AOPEP: variants seen among roughly 807,000 people sequenced by gnomAD.
AOPEP encodes aminopeptidase O (putative), also known as aminopeptidase O.
AOPEP carries 77 observed loss-of-function variants against 98.1 expected under a neutral mutation model. The ratio of observed to expected loss-of-function variants is 0.78; its 90% CI spans 0.65 to 0.95. The LOEUF (loss-of-function observed/expected upper bound fraction) is 0.95, where lower values mean the gene tolerates loss of function less well. Ranked by LOEUF, AOPEP falls within the 40% of genes least tolerant of loss-of-function variation. The pLI, the probability that AOPEP is intolerant of heterozygous loss-of-function variation, is 0.00. For synonymous variants in AOPEP, 346 were observed against 365.3 expected (o/e 0.95, Z 0.60); for missense variants, 1,024 against 1,024.7 (o/e 1.00, Z 0.01).
intron 11 of AOPEP, among the ~76,000 whole-genome samples, chr9:94,989,673 G>A (rs997623150): frequency 6.8e-5 from 10 of 147,118 alleles, no homozygotes; most frequent in East Asian, 6.0e-4. Flanking sequence ...GTGCAGTGGC[G>A]TGATCTCAGC....
At chr9:94,958,085 T>C (rs1216918942) in intron 9 of AOPEP, among the ~76,000 whole-genome samples, 2 of 152,186 alleles carry the variant, frequency 1.3e-5, no homozygotes, top group Non-Finnish European at 2.9e-5. Flanking sequence ...GCCATTCTAC[T>C]TTCTGTCTCT....
In AOPEP at chr9:95,086,972, C is replaced by T; in HGVS notation, c.*295C>T. 1 of 986,286 alleles carries T rather than the reference C, an allele frequency of 1.0e-6. No homozygotes were observed. The highest frequency in any genetic ancestry group is 1.2e-6 in the Non-Finnish European group (1 of 829,008). The allele number at this position is 986,286 out of a possible 1,614,324, so 61.1% of individuals were successfully genotyped here. ...TTCTGCAGAGATGATTAAATATATCCAAGAGACATTGGAAAACCTGCTGAA... is the reference window on the plus strand; with the variant it reads ...TTCTGCAGAGATGATTAAATATATCTAAGAGACATTGGAAAACCTGCTGAA... On this transcript the variant is annotated 3_prime_UTR_variant, in exon 17 of 17. Coordinates refer to ENST00000375315, the MANE Select transcript of AOPEP (RefSeq NM_001193329.3).
intron 11 of AOPEP, among the ~76,000 whole-genome samples, chr9:94,995,733 A>G (rs944510623): frequency 6.6e-6 from 1 of 152,244 alleles, no homozygotes; most frequent in Admixed American, 6.5e-5. Flanking sequence ...AGATAGATTT[A>G]ATAAGATTCT....
chr9:94,760,633 G>C, intron 2 of AOPEP, 53 bp downstream of exon 2: 2 of 1,410,360 alleles, frequency 1.4e-6, no homozygotes, highest in Non-Finnish European at 1.9e-6. Context: ...TGTACGCTGC[G>C]GGGATGCTTT....
At chr9:95,091,092 C>T (rs1051509940), downstream of AOPEP, among the ~76,000 whole-genome samples, 3 of 152,220 alleles carry the variant, frequency 2.0e-5, no homozygotes, top group Non-Finnish European at 2.9e-5. Flanking sequence ...TCACCAAAGG[C>T]AGCTGTGACC....
intron 13 of AOPEP, among the ~76,000 whole-genome samples, chr9:95,022,980 C>T (rs974274446): frequency 6.6e-6 from 1 of 152,144 alleles, no homozygotes; most frequent in African/African-American, 2.4e-5. Context: ...TCCGGAATGA[C>T]ATGGGTTTGT....
chr9:94,870,364 A>AT (rs1175630785), intron 5 of AOPEP, among the ~76,000 whole-genome samples: 15 of 152,228 alleles, frequency 9.9e-5, no homozygotes, highest in African/African-American at 3.6e-4. Context: ...AGTATCGAGA[A>AT]TTAATAATAA....
intron 11 of AOPEP, among the ~76,000 whole-genome samples, chr9:94,995,878 G>A (rs72750373): frequency 0.022 from 3,423 of 152,266 alleles, 68 homozygotes; most frequent in Admixed American, 0.055. Flanking sequence ...GAGCACAAAA[G>A]CTGTGTTATG....
intron 9 of AOPEP, among the ~76,000 whole-genome samples, chr9:94,965,123 C>T (rs900859757): frequency 3.9e-5 from 6 of 152,192 alleles, no homozygotes; most frequent in Admixed American, 2.0e-4. Context: ...AAGAACCTCA[C>T]GCACAAATAA....
At chr9:94,946,438 C>T (rs1342630594) in intron 7 of AOPEP, among the ~76,000 whole-genome samples, 1 of 152,158 alleles carries the variant, frequency 6.6e-6, no homozygotes, top group Non-Finnish European at 1.5e-5. Context: ...GGTCTCATTG[C>T]ACTAGCAAAC....
Position 94,972,930 on chromosome 9 carries a change from C to A in AOPEP, c.1916+5129C>A, listed in dbSNP as rs140219503. ...CGCCAGCCTGGGAGACAGAGTGAGACCCTGTCTCAAAAAAAAAAGGAAGAA... is the reference window on the plus strand; with the variant it reads ...CGCCAGCCTGGGAGACAGAGTGAGAACCTGTCTCAAAAAAAAAAGGAAGAA... On this transcript the variant is annotated intron_variant, in intron 10 of 16. Transcript: ENST00000375315. The surrounding 1 kb of genome is among the most constrained non-coding windows in gnomAD (Gnocchi z 4.2). Among the ~76,000 whole-genome samples the A allele has an allele frequency of 3.3e-5, 5 of 151,746 alleles. No homozygotes were observed. The highest frequency in any genetic ancestry group is 6.6e-5 in the Admixed American group (1 of 15,240).
intron 1 of AOPEP, among the ~76,000 whole-genome samples, chr9:94,741,803 C>T (rs1225060961): frequency 6.6e-6 from 1 of 152,210 alleles, no homozygotes; most frequent in African/African-American, 2.4e-5. Flanking sequence ...GGACTCTGCT[C>T]ATCACAGTCA....
chr9:94,840,882 T>C (rs2134799354), intron 5 of AOPEP, among the ~76,000 whole-genome samples: 1 of 152,294 alleles, frequency 6.6e-6, no homozygotes, highest in Middle Eastern at 3.4e-3. Context: ...TCTTTGTTTC[T>C]TTGTCCATCT....
intron 13 of AOPEP, among the ~76,000 whole-genome samples, chr9:95,013,157 C>T (rs1420018509): frequency 1.3e-5 from 2 of 151,902 alleles, no homozygotes; most frequent in Non-Finnish European, 2.9e-5. Context: ...CAATTAAACC[C>T]ATTTATAATA....
At chr9:94,969,643 G>A (rs142026212) in intron 10 of AOPEP, among the ~76,000 whole-genome samples, 11,798 of 152,170 alleles carry the variant, frequency 0.078, 1,147 homozygotes, top group African/African-American at 0.23. Context: ...TCCTGACCTC[G>A]TGATCTGCCC....
intron 14 of AOPEP, among the ~76,000 whole-genome samples, chr9:95,074,897 C>G (rs1220367511): frequency 6.6e-6 from 1 of 152,240 alleles, no homozygotes; most frequent in Non-Finnish European, 1.5e-5. Flanking sequence ...AAGAGATGAG[C>G]ACATCCTTGA....
the AOPEP span, among the ~76,000 whole-genome samples, chr9:95,108,364 G>C: frequency 6.6e-6 from 1 of 152,240 alleles, no homozygotes. Flanking sequence ...GTCTACGGGA[G>C]CCCAAGGCCA....
At chr9:95,146,060 A>G in the AOPEP span, among the ~76,000 whole-genome samples, 1 of 152,172 alleles carries the variant, frequency 6.6e-6, no homozygotes, top group East Asian at 1.9e-4. Context: ...TAGATATGTG[A>G]TGATGATAAG....
Position 94,928,545 on chromosome 9 carries a change from G to A in AOPEP, c.1661+14G>A. ...GCAGGTGTTAAGGTAAAGCTGCATG[G>A]TGATCCACAGCCCTCTCATTCCCCT... On this transcript the variant is annotated intron_variant, in intron 7 of 16. Transcript: ENST00000375315. 6.6e-7 allele frequency: 1 copy of A among 1,517,012 alleles called. No homozygotes were observed. Among genetic ancestry groups the A allele is most frequent in the Non-Finnish European group, 9.0e-7 (1 of 1,116,314 alleles). 94.0% of individuals were successfully genotyped at this position (1,517,012 alleles called of 1,614,324 possible).
Sources: gnomAD v4.1 joint callset for allele counts (sites outside exome capture counted in the v4.1 genomes callset) on GRCh38, gnomAD v4.1.1 for gene constraint, Gnocchi (gnomAD v3.1) non-coding constraint, MANE v1.5 for transcripts, NCBI Gene and HGNC (gene_info 2026-07-23, HGNC 2026-07-21) for gene names.